Variants in NIM1K observed in about 807,000 individuals in gnomAD.
The protein encoded by NIM1K is serine/threonine-protein kinase NIM1.
In NIM1K, 35 loss-of-function variants were observed where a neutral mutation model predicts 37.1. That is an observed-to-expected ratio of 0.94 (90% CI 0.72 to 1.25). The LOEUF is 1.25. Ranked by LOEUF, NIM1K falls within the 50% of genes most tolerant of loss-of-function variation. The pLI, the probability that NIM1K is intolerant of heterozygous loss-of-function variation, is 0.00. For synonymous variants in NIM1K, 234 were observed against 206.6 expected (o/e 1.13, Z -1.14); for missense variants, 564 against 548.0 (o/e 1.03, Z -0.29).
chr5:43,202,333 G>T (rs936797551), intron 1 of NIM1K, among the ~76,000 whole-genome samples: 2 of 152,164 alleles, frequency 1.3e-5, no homozygotes, highest in African/African-American at 4.8e-5. Flanking sequence ...ATAGGTGTAA[G>T]CCACTGTGCC....
At position 43,219,227 on chromosome 5, in the gene NIM1K, C is replaced by T. The variant is rs148071064; in HGVS notation, c.-694-25855C>T. On this transcript the variant is annotated intron_variant, in intron 1 of 3. Coordinates refer to ENST00000326035, the MANE Select transcript of NIM1K (RefSeq NM_153361.4). ...CTCTTTCCTTTATAAATTTTCAGTT[C>T]GAGACCAGCTTGGCCAACATAATGA... Among the ~76,000 whole-genome samples the T allele has an allele frequency of 8.0e-4, 121 of 152,178 alleles. 1 individual carries two copies. The East Asian group carries it at 0.01, about 13-fold the overall frequency.
chr5:43,203,566 G>A (rs1752064999), intron 1 of NIM1K, among the ~76,000 whole-genome samples: 2 of 152,256 alleles, frequency 1.3e-5, no homozygotes, highest in East Asian at 3.9e-4. Flanking sequence ...ACTCTGGCTT[G>A]GGAGGCTGCC....
intron 2 of NIM1K, among the ~76,000 whole-genome samples, chr5:43,255,334 T>C (rs934280071): frequency 6.6e-6 from 1 of 152,368 alleles, no homozygotes. Flanking sequence ...AGACTGGTGA[T>C]ACAGCAGTGA....
chr5:43,273,518 C>T (rs888600712), intron 2 of NIM1K, among the ~76,000 whole-genome samples: 4 of 152,144 alleles, frequency 2.6e-5, no homozygotes, highest in African/African-American at 7.2e-5. Context: ...CCAGAGTGCT[C>T]TTTTTAAATG....
rs369883115 is a variant in NIM1K at position 43,245,305 on chromosome 5, A to T, written c.-471A>T. On this transcript the variant is annotated 5_prime_UTR_variant, in exon 2 of 4. Transcript: ENST00000326035. ...GCATGAAATGAAGGTCAGAGATGAG[A>T]TCCCGCAGCAGGGACGTGGGGGCCT... 2.0e-5 allele frequency: 3 copies of T among 152,992 alleles called. No individual in the cohort carries two copies. The East Asian group carries it at 5.7e-4, about 29-fold the overall frequency. The allele number at this position is 152,992 out of a possible 1,614,324, so 9.5% of individuals were successfully genotyped here. A position where few individuals can be genotyped will look rare whatever the true frequency, so the allele number is the denominator to read the frequency against.
rs1753430118 is a variant in NIM1K, at chr5:43,280,691, G to A, written c.1273G>A (p.Gly425Arg). The change falls in exon 4 of 4, where the codon GGG becomes AGG. Residue 425 changes from glycine to arginine, a missense_variant. Physicochemically the swap from Gly to Arg is moderately radical, Grantham distance 125. Transcript: ENST00000326035. Reference protein sequence around the residue: ...DLKKGSRVYRGIRHTSKFCSI... With the variant: ...DLKKGSRVYRRIRHTSKFCSI... ...CAAAAAAGGGTCCCGTGTCTACAGA[G>A]GGATAAGACACACATCCAAATTTTG... 1.2e-6 allele frequency: 2 copies of A among 1,607,186 alleles called. No individual in the cohort carries two copies. Among genetic ancestry groups the A allele is most frequent in the Non-Finnish European group, 1.7e-6 (2 of 1,178,290 alleles).
chr5:43,206,180 TCAG>T (rs1752107369), intron 1 of NIM1K, among the ~76,000 whole-genome samples: 1 of 152,050 alleles, frequency 6.6e-6, no homozygotes, highest in African/African-American at 2.4e-5. Flanking sequence ...TGAGCAGAGT[TCAG>T]TGGAAATACT....
chr5:43,247,353 T>A (rs1752791502), intron 2 of NIM1K, among the ~76,000 whole-genome samples: 1 of 152,234 alleles, frequency 6.6e-6, no homozygotes, highest in Non-Finnish European at 1.5e-5. Flanking sequence ...TCATACGGTA[T>A]CATAAGGATT....
chr5:43,237,149 A>G (rs1272056943), intron 1 of NIM1K, among the ~76,000 whole-genome samples: 1 of 152,222 alleles, frequency 6.6e-6, no homozygotes, highest in Admixed American at 6.5e-5. Flanking sequence ...AAGGAAACCA[A>G]TGCCTGGCCT....
chr5:43,261,459 G>T (rs1753029346), intron 2 of NIM1K, among the ~76,000 whole-genome samples: 1 of 151,930 alleles, frequency 6.6e-6, no homozygotes, highest in South Asian at 2.1e-4. Context: ...GCGGTTGCTT[G>T]TTTTTTTTCT....
Position 43,245,726 on chromosome 5 carries a change from C to T in NIM1K, c.-50C>T, listed in dbSNP as rs1241607396. 6.6e-7 allele frequency: 1 copy of T among 1,524,670 alleles called. No individual in the cohort carries two copies. Among genetic ancestry groups the T allele is most frequent in the East Asian group, 2.3e-5 (1 of 43,822 alleles). The allele number at this position is 1,524,670 out of a possible 1,614,324, so 94.4% of individuals were successfully genotyped here. On this transcript the variant is annotated 5_prime_UTR_variant, in exon 2 of 4. Transcript: ENST00000326035. ...CCCACCCTCTGAGCCTCTTCTGCTCCTGCACAACCTGCCTCTTCGCTGAGA... is the reference window on the plus strand; with the variant it reads ...CCCACCCTCTGAGCCTCTTCTGCTCTTGCACAACCTGCCTCTTCGCTGAGA...
At chr5:43,258,980 A>C (rs942885892) in intron 2 of NIM1K, among the ~76,000 whole-genome samples, 2 of 151,452 alleles carry the variant, frequency 1.3e-5, no homozygotes, top group Non-Finnish European at 2.9e-5. Context: ...CCATAGCTAA[A>C]CTCTCATTTC....
chr5:43,196,584 G>A lies in NIM1K; in HGVS notation c.-695+4173G>A, dbSNP rs935274405. ...TGAGAGATGGAGCTTGTAGTGAGCC[G>A]AGATCGCGCCACTGCACTCCAGCCT... On this transcript the variant is annotated intron_variant, in intron 1 of 3. Coordinates refer to ENST00000326035, the MANE Select transcript of NIM1K (RefSeq NM_153361.4). 5.3e-5 allele frequency among the ~76,000 whole-genome samples: 8 copies of A among 152,072 alleles called. 1 individual carries two copies. In the South Asian group the frequency reaches 1.2e-3, roughly 24 times the overall value.
chr5:43,251,045 A>T (rs953048980), intron 2 of NIM1K, among the ~76,000 whole-genome samples: 1 of 152,218 alleles, frequency 6.6e-6, no homozygotes, highest in African/African-American at 2.4e-5. Flanking sequence ...GAAATTGGAA[A>T]TAATATATGT....
Position 43,280,610 on chromosome 5 carries a change from A to G in NIM1K, c.1192A>G (p.Lys398Glu), listed in dbSNP as rs1316897790. The change falls in exon 4 of 4, where the codon AAG (lysine) becomes GAG (glutamate). Residue 398 changes from lysine (K) to glutamate (E), a missense_variant. Physicochemically the swap from Lys to Glu is moderately conservative, Grantham distance 56. Transcript: ENST00000326035. ...TATTTTACATAGAGTCCAAAGGAAG[A>G]AGGCTTTGGAAAGTGTCCCAGTCAT... ...RIILHRVQRK[K>E]ALESVPVMML... 3 of 1,614,024 alleles carry G rather than the reference A, an allele frequency of 1.9e-6. No individual in the cohort carries two copies. The highest frequency in any genetic ancestry group is 2.7e-5 in the African/African-American group (2 of 74,930).
chr5:43,255,754 A>AAAGAAAGAAAG (rs1554016083), intron 2 of NIM1K, among the ~76,000 whole-genome samples: 22 of 131,892 alleles, frequency 1.7e-4, no homozygotes, highest in South Asian at 1.3e-3. Context: ...TCTCAAAAAA[A>AAAGAAAGAAAG]AAAGAAAGAA....
chr5:43,197,362 C>A (rs891335248), intron 1 of NIM1K, among the ~76,000 whole-genome samples: 2 of 151,770 alleles, frequency 1.3e-5, no homozygotes, highest in Non-Finnish European at 2.9e-5. Context: ...CCAGGCTGGT[C>A]TTGAACTCCT....
intron 2 of NIM1K, among the ~76,000 whole-genome samples, chr5:43,250,705 A>G (rs1752856270): frequency 6.6e-6 from 1 of 152,242 alleles, no homozygotes; most frequent in African/African-American, 2.4e-5. Context: ...GGAAGGTTAC[A>G]AGAGAAGTTG....
chr5:43,258,735 G>A (rs1185063503), intron 2 of NIM1K, among the ~76,000 whole-genome samples: 1 of 152,136 alleles, frequency 6.6e-6, no homozygotes. Context: ...GAGCCACTGA[G>A]TCTGGCTCGT....
Sources: allele counts gnomAD v4.1 joint callset (sites outside exome capture counted in the v4.1 genomes callset), GRCh38; gene constraint gnomAD v4.1.1; transcripts MANE v1.5; gene names NCBI Gene and HGNC (gene_info 2026-07-23, HGNC 2026-07-21).